DDX59: variants seen among roughly 807,000 people sequenced by gnomAD.
DDX59 encodes the protein probable ATP-dependent RNA helicase DDX59.
DDX59 carries 30 observed loss-of-function variants against 51.9 expected under a neutral mutation model. That is an observed-to-expected ratio of 0.58 (90% CI 0.43 to 0.78). The LOEUF (loss-of-function observed/expected upper bound fraction) is 0.78, where lower values mean the gene tolerates loss of function less well. Ranked by LOEUF, DDX59 falls within the 30% of genes least tolerant of loss-of-function variation. DDX59 has a pLI of 0.00. For missense variants in DDX59, 672 were observed against 730.8 expected (o/e 0.92, Z 0.93); for synonymous variants, 255 against 253.3 (o/e 1.01, Z -0.06).
chr1:200,664,324 T>C (rs1215434635), intron 2 of DDX59, among the ~76,000 whole-genome samples: 1 of 152,082 alleles, frequency 6.6e-6, no homozygotes, highest in African/African-American at 2.4e-5. Context: ...GGGAGAGGTG[T>C]CCACAGTAAC....
downstream of DDX59, among the ~76,000 whole-genome samples, chr1:200,643,146 A>G (rs1558109668): frequency 7.9e-6 from 1 of 126,218 alleles, no homozygotes; most frequent in South Asian, 2.1e-4. Context: ...CCTGAGCAAC[A>G]TAGTGAGACA....
At chr1:200,653,809 G>A (rs2102872700) in intron 4 of DDX59, among the ~76,000 whole-genome samples, 1 of 152,216 alleles carries the variant, frequency 6.6e-6, no homozygotes, top group African/African-American at 2.4e-5. Flanking sequence ...CGCATGACCA[G>A]CTCCTTCTCA....
Position 200,666,184 on chromosome 1 carries a change from T to C in DDX59, c.557A>G (p.Lys186Arg). 4 of 1,614,222 alleles carry C rather than the reference T, an allele frequency of 2.5e-6. No individual in the cohort carries two copies. Among genetic ancestry groups the C allele is most frequent in the Non-Finnish European group, 3.4e-6 (4 of 1,180,028 alleles). The change falls in exon 2 of 8, where the codon AAA becomes AGA. Residue 186 changes from lysine to arginine, a missense_variant. Coordinates refer to ENST00000331314, the MANE Select transcript of DDX59 (RefSeq NM_001031725.6). ...NLQEDQIENL[K>R]QQLGILVQGQ... Reference sequence around the variant, plus strand: ...TTGAACTAAAATTCCCAGCTGCTGTTTAAGATTTTCAATCTGGTCTTCCTG... The same window carrying C: ...TTGAACTAAAATTCCCAGCTGCTGTCTAAGATTTTCAATCTGGTCTTCCTG...
In DDX59 at chr1:200,657,249, CAAAAAAAA is replaced by C. The variant is rs147751957; in HGVS notation, c.1062+1770_1062+1777del. 2.1e-4 allele frequency among the ~76,000 whole-genome samples: 16 copies of C among 77,652 alleles called. No individual in the cohort carries two copies. The East Asian group carries it at 2.5e-3, about 12-fold the overall frequency. The allele number at this position is 77,652 out of a possible 152,430, so 50.9% of individuals were successfully genotyped here. On this transcript the variant is annotated intron_variant, in intron 4 of 7. Transcript: ENST00000331314. ...CTGGGTGACAGAGGGAAACTGTCTA[CAAAAAAAA>C]AAAAAAAAAAAAAAAATTACTTCTC... is the stretch of plus-strand genomic sequence containing the variant.
At chr1:200,664,197 C>A (rs914200884) in intron 2 of DDX59, 111 bp from the exon 3 acceptor site, 14 of 1,224,046 alleles carry the variant, frequency 1.1e-5, no homozygotes, top group Non-Finnish European at 1.6e-5. Context: ...GTGTTCCCAA[C>A]TGGGTATGAG....
chr1:200,667,633 T>A (rs183376131), intron 1 of DDX59, among the ~76,000 whole-genome samples: 116 of 152,244 alleles, frequency 7.6e-4, no homozygotes, highest in African/African-American at 2.7e-3. Context: ...ATCCTTCTAT[T>A]ATAGCATCAA....
At chr1:200,641,212 G>T (rs762148658), downstream of DDX59, 1 of 1,304,752 alleles carries the variant, frequency 7.7e-7, no homozygotes, top group South Asian at 1.2e-5. Context: ...TAAGAGATGC[G>T]TTGATATTAA....
chr1:200,659,753 G>A (rs1571639949), intron 3 of DDX59, among the ~76,000 whole-genome samples: 1 of 152,144 alleles, frequency 6.6e-6, no homozygotes, highest in African/African-American at 2.4e-5. Context: ...AGCAGGGAGT[G>A]CGTGGCTCAC....
At chr1:200,658,340 T>C (rs1277886541) in intron 4 of DDX59, among the ~76,000 whole-genome samples, 2 of 152,016 alleles carry the variant, frequency 1.3e-5, no homozygotes, top group Non-Finnish European at 2.9e-5. Context: ...GCCTCTATAG[T>C]ATATGTAACA....
intron 7 of DDX59, 129 bp downstream of exon 7, chr1:200,648,310 G>A: frequency 1.6e-6 from 2 of 1,285,846 alleles, no homozygotes; most frequent in Non-Finnish European, 2.1e-6. Context: ...GCCTTCCAAA[G>A]TGCTGGGATT....
chr1:200,667,545 C>G (rs1325587298), intron 1 of DDX59, among the ~76,000 whole-genome samples: 1 of 152,168 alleles, frequency 6.6e-6, no homozygotes, highest in African/African-American at 2.4e-5. Context: ...CTCAACATAG[C>G]CTTGTACACA....
intron 1 of DDX59, among the ~76,000 whole-genome samples, chr1:200,668,039 C>T (rs1176499773): frequency 1.3e-5 from 2 of 152,154 alleles, no homozygotes; most frequent in Non-Finnish European, 2.9e-5. Flanking sequence ...TGGCTCACGC[C>T]TGTAATCCTA....
chr1:200,665,611 G>A (rs778042964), intron 2 of DDX59, among the ~76,000 whole-genome samples: 3 of 152,112 alleles, frequency 2.0e-5, no homozygotes, highest in East Asian at 1.9e-4. Flanking sequence ...ACTGTAGCTC[G>A]TCTGGTCAGC....
intron 3 of DDX59, among the ~76,000 whole-genome samples, chr1:200,659,766 T>C (rs1416199817): frequency 1.3e-5 from 2 of 152,156 alleles, no homozygotes; most frequent in African/African-American, 4.8e-5. Context: ...TGGCTCACTG[T>C]AGCCTCAACT....
chr1:200,644,599 T>TA lies in DDX59; in HGVS notation c.1597-83dup, dbSNP rs1408514540. 2.0e-6 allele frequency: 3 copies of TA among 1,469,464 alleles called. No individual in the cohort carries two copies. The African/African-American group carries it at 4.3e-5, about 21-fold the overall frequency. The allele number at this position is 1,469,464 out of a possible 1,614,324, so 91.0% of individuals were successfully genotyped here. Reference sequence around the variant, plus strand: ...TTGAAAGAAAATGAATAATATTACTTAAAGTAGCATTACTGGCTGGGTGCA... The same window carrying TA: ...TTGAAAGAAAATGAATAATATTACTTAAAAGTAGCATTACTGGCTGGGTGCA... On this transcript the variant is annotated intron_variant, in intron 7 of 7. Coordinates refer to ENST00000331314, the MANE Select transcript of DDX59 (RefSeq NM_001031725.6).
At chr1:200,663,217 A>G (rs367796877) in intron 3 of DDX59, among the ~76,000 whole-genome samples, 10 of 152,124 alleles carry the variant, frequency 6.6e-5, no homozygotes, top group Admixed American at 5.2e-4. Context: ...CTAGTTAACT[A>G]AACAGTTAAT....
intron 2 of DDX59, 91 bp from the exon 3 acceptor site, chr1:200,664,177 C>T (rs1042606327): frequency 4.2e-5 from 60 of 1,428,338 alleles, no homozygotes; most frequent in Non-Finnish European, 5.3e-5. Flanking sequence ...AGGAACATGG[C>T]CCCTTTAAAG....
At chr1:200,641,088 A>T, downstream of DDX59, 1 of 1,031,330 alleles carries the variant, frequency 9.7e-7, no homozygotes, top group Non-Finnish European at 1.4e-6. Context: ...GAGTCAGTTT[A>T]CTGGTGGCTG....
At chr1:200,644,617 T>TAA in intron 7 of DDX59, 100 bp from the exon 8 acceptor site, 1 of 1,392,898 alleles carries the variant, frequency 7.2e-7, no homozygotes, top group Non-Finnish European at 9.5e-7. Flanking sequence ...CATTACTGGC[T>TAA]GGGTGCAGTG....
Sources: allele counts gnomAD v4.1 joint callset (sites outside exome capture counted in the v4.1 genomes callset), GRCh38; gene constraint gnomAD v4.1.1; transcripts MANE v1.5; gene names NCBI Gene and HGNC (gene_info 2026-07-23, HGNC 2026-07-21).